The following DGCR2 variants were observed in gnomAD, a reference collection of about 807,000 sequenced individuals.
DGCR2 encodes the protein DiGeorge syndrome critical region gene 2, also known as integral membrane protein DGCR2/IDD.
In DGCR2, 24 loss-of-function variants were observed where a neutral mutation model predicts 51.6. The ratio of observed to expected loss-of-function variants is 0.47; its 90% CI spans 0.34 to 0.65. DGCR2 has a LOEUF of 0.65. Ranked by LOEUF, DGCR2 falls within the 30% of genes least tolerant of loss-of-function variation. The pLI, the probability that DGCR2 is intolerant of heterozygous loss-of-function variation, is 0.01. For missense variants in DGCR2, 765 were observed against 772.1 expected, an observed-to-expected ratio of 0.99 and a Z score of 0.11; for synonymous variants, 340 against 315.4, an observed-to-expected ratio of 1.08 and a Z score of -0.82.
At chr22:19,119,666 G>A (rs994508468) in intron 1 of DGCR2, among the ~76,000 whole-genome samples, 1 of 151,112 alleles carries the variant, frequency 6.6e-6, no homozygotes, top group Admixed American at 6.6e-5. Flanking sequence ...AACCAAGGAG[G>A]TGGAGGTTGC....
intron 1 of DGCR2, among the ~76,000 whole-genome samples, chr22:19,103,863 T>G (rs1233185946): frequency 2.0e-5 from 3 of 147,224 alleles, no homozygotes; most frequent in South Asian, 4.4e-4. Flanking sequence ...CTGGGCAACA[T>G]AGCCAGACCC....
At chr22:19,116,654 A>C (rs1299344777) in intron 1 of DGCR2, among the ~76,000 whole-genome samples, 2 of 152,180 alleles carry the variant, frequency 1.3e-5, no homozygotes, top group African/African-American at 4.8e-5. Flanking sequence ...AGGAAAAGAC[A>C]TCTAATCAGT....
At chr22:19,111,240 C>G (rs1472846787) in intron 1 of DGCR2, among the ~76,000 whole-genome samples, 1 of 152,172 alleles carries the variant, frequency 6.6e-6, no homozygotes, top group Non-Finnish European at 1.5e-5. Flanking sequence ...ATTGATCACC[C>G]AAGCCCAAAG....
chr22:19,045,396 T>G (rs543925734), intron 7 of DGCR2: 1 of 152,360 alleles, frequency 6.6e-6, no homozygotes, highest in South Asian at 2.1e-4. Context: ...ATCACCTGAT[T>G]ATACGTAGTG....
intron 2 of DGCR2, among the ~76,000 whole-genome samples, chr22:19,087,443 G>C (rs1030784592): frequency 6.6e-6 from 1 of 152,046 alleles, no homozygotes; most frequent in African/African-American, 2.4e-5. Context: ...AGGCTGGAGC[G>C]CACTGGCATG....
intron 5 of DGCR2, among the ~76,000 whole-genome samples, chr22:19,062,750 T>A (rs547036751): frequency 7.1e-6 from 1 of 140,298 alleles, no homozygotes; most frequent in East Asian, 2.1e-4. Flanking sequence ...CCGCATAAAA[T>A]CTTTGCGCAC....
intron 2 of DGCR2, among the ~76,000 whole-genome samples, chr22:19,087,070 G>A (rs2083024826): frequency 6.6e-6 from 1 of 152,194 alleles, no homozygotes; most frequent in African/African-American, 2.4e-5. Context: ...TCTCCAAGAG[G>A]CTGGATATAA....
chr22:19,089,782 T>G (rs1224724472), intron 1 of DGCR2, among the ~76,000 whole-genome samples: 1 of 152,238 alleles, frequency 6.6e-6, no homozygotes, highest in African/African-American at 2.4e-5. Context: ...GGTTTTGCCA[T>G]GTTGGCCAGG....
intron 1 of DGCR2, among the ~76,000 whole-genome samples, chr22:19,108,858 CAAAAAA>C (rs796971188): frequency 1.1e-5 from 1 of 91,882 alleles, no homozygotes; most frequent in Non-Finnish European, 2.4e-5. Context: ...CTCATCTTTA[CAAAAAA>C]AAAAAAAAAT....
intron 2 of DGCR2, among the ~76,000 whole-genome samples, chr22:19,071,588 G>A (rs566902967): frequency 6.6e-6 from 1 of 152,320 alleles, no homozygotes; most frequent in African/African-American, 2.4e-5. Flanking sequence ...GCAATGTCAT[G>A]AAAGACGCCC....
intron 4 of DGCR2, 109 bp downstream of exon 4, chr22:19,064,739 T>C: frequency 9.1e-7 from 1 of 1,099,954 alleles, no homozygotes; most frequent in Non-Finnish European, 1.3e-6. Flanking sequence ...CTTCCCAACC[T>C]GCTGTCTGCC....
chr22:19,115,577 C>T (rs1005202575), intron 1 of DGCR2, among the ~76,000 whole-genome samples: 1 of 152,246 alleles, frequency 6.6e-6, no homozygotes, highest in Non-Finnish European at 1.5e-5. Flanking sequence ...GTAGCTGTTG[C>T]TCTTTATGTC....
intron 1 of DGCR2, among the ~76,000 whole-genome samples, chr22:19,101,609 C>T (rs55696481): frequency 0.094 from 14,255 of 151,982 alleles, 737 homozygotes; most frequent in Middle Eastern, 0.15. Flanking sequence ...GGCGTGGTGG[C>T]GCACACCTGT....
chr22:19,095,554 G>A (rs565176529), intron 1 of DGCR2, among the ~76,000 whole-genome samples: 21 of 151,376 alleles, frequency 1.4e-4, no homozygotes, highest in African/African-American at 4.1e-4. Context: ...CCAGCTACTC[G>A]GGAGGCTGAG....
chr22:19,071,186 A>G (rs1470281339), intron 2 of DGCR2, among the ~76,000 whole-genome samples: 1 of 152,342 alleles, frequency 6.6e-6, no homozygotes, highest in Admixed American at 6.5e-5. Context: ...TCTGGGCTCC[A>G]TGACCTGTGC....
rs188393483 is a variant in DGCR2 at position 19,097,413 on chromosome 22, G to A, written c.80-7923C>T. Among the ~76,000 whole-genome samples the A allele has an allele frequency of 1.9e-3, 285 of 152,184 alleles. 1 individual carries two copies. The highest frequency in any genetic ancestry group is 3.4e-3 in the African/African-American group (141 of 41,504). ...TACTAAAAACACAAAAATTAGCCAG[G>A]TGTGGTGCGGGTGCCTGTAATCCCA... On this transcript the variant is annotated intron_variant, in intron 1 of 9. Coordinates refer to ENST00000263196, the MANE Select transcript of DGCR2 (RefSeq NM_005137.3).
At chr22:19,117,960 A>G (rs1290657276) in intron 1 of DGCR2, among the ~76,000 whole-genome samples, 3 of 152,218 alleles carry the variant, frequency 2.0e-5, no homozygotes, top group Non-Finnish European at 4.4e-5. Flanking sequence ...TGGCAAGGCT[A>G]GGTGCAAGCT....
At chr22:19,078,765 C>T (rs945361081) in intron 2 of DGCR2, among the ~76,000 whole-genome samples, 1 of 152,046 alleles carries the variant, frequency 6.6e-6, no homozygotes, top group African/African-American at 2.4e-5. Flanking sequence ...CTTGGTTTTG[C>T]TAGTATTTTG....
intron 1 of DGCR2, among the ~76,000 whole-genome samples, chr22:19,103,500 G>C (rs1176880591): frequency 3.7e-5 from 5 of 133,528 alleles, no homozygotes; most frequent in Admixed American, 3.5e-4. Flanking sequence ...GCAAGATCTC[G>C]GCTTACTGCA....
Sources: allele counts gnomAD v4.1 joint callset (sites outside exome capture counted in the v4.1 genomes callset), GRCh38; gene constraint gnomAD v4.1.1; transcripts MANE v1.5; gene names NCBI Gene and HGNC (gene_info 2026-07-23, HGNC 2026-07-21).